The following PALM2AKAP2 variants were observed in gnomAD, a reference collection of about 807,000 sequenced individuals.
PALM2AKAP2 encodes the protein PALM2-AKAP2 fusion protein.
A neutral mutation model predicts 71.5 loss-of-function variants in PALM2AKAP2; 37 were observed. The ratio of observed to expected loss-of-function variants is 0.52; its 90% CI spans 0.40 to 0.68. The LOEUF (loss-of-function observed/expected upper bound fraction) is 0.68. PALM2AKAP2 is among the 30% of genes least tolerant of loss of function. PALM2AKAP2 has a pLI of 0.00. For synonymous variants in PALM2AKAP2, 468 were observed against 478.8 expected (o/e 0.98, Z 0.29); for missense variants, 1,224 against 1,191.8 (o/e 1.03, Z -0.40).
At chr9:109,674,105 C>G (rs773681772) in intron 1 of PALM2AKAP2, among the ~76,000 whole-genome samples, 1 of 151,916 alleles carries the variant, frequency 6.6e-6, no homozygotes, top group Non-Finnish European at 1.5e-5. Context: ...ACTGTCCAGT[C>G]TGCTGTTAAT....
At chr9:109,746,053 C>A (rs181258942) in intron 1 of PALM2AKAP2, among the ~76,000 whole-genome samples, 17 of 152,330 alleles carry the variant, frequency 1.1e-4, no homozygotes, top group African/African-American at 4.1e-4. Flanking sequence ...GTGTGCTGCT[C>A]TCTCCCAGGA....
intron 6 of PALM2AKAP2, among the ~76,000 whole-genome samples, chr9:109,999,910 C>CA (rs1832649326): frequency 6.6e-6 from 1 of 151,026 alleles, no homozygotes; most frequent in South Asian, 2.1e-4. Context: ...TTAGCTTACA[C>CA]AAATTTGAGT....
At chr9:110,032,739 T>TAAATAAATAAAA (rs1554740736) in intron 7 of PALM2AKAP2, among the ~76,000 whole-genome samples, 2 of 111,718 alleles carry the variant, frequency 1.8e-5, no homozygotes, top group African/African-American at 6.2e-5. Context: ...AATAAATAAA[T>TAAATAAATAAAA]AAAATAAAAA....
chr9:109,678,606 G>A lies in PALM2AKAP2; in HGVS notation c.5+37740G>A, dbSNP rs190892605. Among the ~76,000 whole-genome samples the A allele has an allele frequency of 1.2e-3, 177 of 152,238 alleles. 1 individual carries two copies. The highest frequency in any genetic ancestry group is 4.0e-3 in the African/African-American group (166 of 41,528). ...TTTCAGATAGATGCTGTTTTGGGGG[G>A]TGCATCCTTATCTAGGAGAGGTGAT... On this transcript the variant is annotated intron_variant, in intron 1 of 6. Coordinates refer to the PALM2AKAP2 transcript ENST00000374531.
At chr9:109,817,014 A>G (rs1827871257) in intron 1 of PALM2AKAP2, among the ~76,000 whole-genome samples, 1 of 152,198 alleles carries the variant, frequency 6.6e-6, no homozygotes, top group African/African-American at 2.4e-5. Context: ...ACTTTATTCA[A>G]CCAGATTTAT....
chr9:109,880,481 A>T, intron 2 of PALM2AKAP2, 70 bp from the exon 3 acceptor site: 1 of 1,574,626 alleles, frequency 6.4e-7, no homozygotes, highest in Non-Finnish European at 8.7e-7. Context: ...AAACAGCACC[A>T]CTGCAGAGGG....
chr9:110,157,021 G>A (rs969829695), intron 3 of PALM2AKAP2, among the ~76,000 whole-genome samples: 2 of 152,218 alleles, frequency 1.3e-5, no homozygotes, highest in Non-Finnish European at 2.9e-5. Context: ...CAAAGAGCCA[G>A]TGAAAATGAC....
chr9:110,056,848 G>A lies in PALM2AKAP2; in HGVS notation c.156+7993G>A, dbSNP rs111786018. ...AATCACAATGTGTATATCATTTTAA[G>A]TATTATTTTTATGGTATGTTTCATT... On this transcript the variant is annotated intron_variant, in intron 1 of 3. Transcript: ENST00000374525. 6.7e-3 allele frequency among the ~76,000 whole-genome samples: 1,017 copies of A among 152,258 alleles called. 15 individuals are homozygous for A. Among genetic ancestry groups the A allele is most frequent in the South Asian group, 0.047 (225 of 4,822 alleles).
intron 6 of PALM2AKAP2, among the ~76,000 whole-genome samples, chr9:110,011,006 A>ATATATATATAT (rs1454209302): frequency 6.9e-4 from 65 of 94,104 alleles, no homozygotes; most frequent in African/African-American, 4.0e-3. Flanking sequence ...CAAAAAAAAA[A>ATATATATATAT]AAAAAAAAAT....
chr9:109,988,812 C>T (rs1832424042), intron 6 of PALM2AKAP2, among the ~76,000 whole-genome samples: 1 of 152,198 alleles, frequency 6.6e-6, no homozygotes, highest in African/African-American at 2.4e-5. Context: ...TGAATTGTAG[C>T]TCCCATAATT....
intron 1 of PALM2AKAP2, among the ~76,000 whole-genome samples, chr9:109,747,677 CT>C (rs200934926): frequency 1.0e-4 from 15 of 148,606 alleles, no homozygotes; most frequent in Admixed American, 1.3e-4. Flanking sequence ...TAATTTTTTT[CT>C]TTTTTTTTTG....
intron 3 of PALM2AKAP2, among the ~76,000 whole-genome samples, chr9:109,914,594 C>G (rs1830643067): frequency 6.6e-6 from 1 of 152,190 alleles, no homozygotes. Context: ...GCCAGACAGG[C>G]ACCCCACTTG....
At chr9:110,082,097 G>GT (rs924828959) in intron 1 of PALM2AKAP2, among the ~76,000 whole-genome samples, 101 of 152,046 alleles carry the variant, frequency 6.6e-4, no homozygotes, top group Non-Finnish European at 1.3e-3. Context: ...GTTTTGTTTT[G>GT]TTTTTTTGAG....
chr9:109,803,292 C>A (rs1171203512), intron 1 of PALM2AKAP2, among the ~76,000 whole-genome samples: 1 of 152,130 alleles, frequency 6.6e-6, no homozygotes, highest in Admixed American at 6.6e-5. Context: ...TCATAAAGTC[C>A]TTTAATAGTG....
At chr9:110,033,588 G>T (rs529295564) in intron 7 of PALM2AKAP2, among the ~76,000 whole-genome samples, 13 of 152,190 alleles carry the variant, frequency 8.5e-5, no homozygotes, top group East Asian at 1.9e-4. Flanking sequence ...ACTTTATAAG[G>T]TCACAAATTC....
chr9:109,980,159 C>T (rs1207885407), intron 6 of PALM2AKAP2, among the ~76,000 whole-genome samples: 2 of 152,176 alleles, frequency 1.3e-5, no homozygotes, highest in African/African-American at 4.8e-5. Context: ...GTTCCAGGAG[C>T]TTTGCAAACA....
At chr9:109,781,384 G>T (rs993350349) in intron 1 of PALM2AKAP2, among the ~76,000 whole-genome samples, 1 of 152,120 alleles carries the variant, frequency 6.6e-6, no homozygotes, top group Non-Finnish European at 1.5e-5. Context: ...TACTGCTGCC[G>T]TATGAAATAG....
intron 6 of PALM2AKAP2, among the ~76,000 whole-genome samples, chr9:109,938,822 AGTTTG>A: frequency 6.6e-6 from 1 of 152,146 alleles, no homozygotes; most frequent in Non-Finnish European, 1.5e-5. Flanking sequence ...TGAGGTCAGG[AGTTTG>A]AGACTAGCCT....
At chr9:109,749,537 T>A (rs1373875025) in intron 1 of PALM2AKAP2, among the ~76,000 whole-genome samples, 1 of 133,752 alleles carries the variant, frequency 7.5e-6, no homozygotes, top group Non-Finnish European at 1.6e-5. Context: ...AGTGCAAATG[T>A]GTTTTCATAG....
Sources: allele counts gnomAD v4.1 joint callset (sites outside exome capture counted in the v4.1 genomes callset), GRCh38; gene constraint gnomAD v4.1.1; transcripts MANE v1.5; gene names NCBI Gene and HGNC (gene_info 2026-07-23, HGNC 2026-07-21).